Variants in KDM4C observed in about 807,000 individuals in gnomAD.
KDM4C encodes lysine demethylase 4C, also known as lysine-specific demethylase 4C.
Under a neutral mutation model 129.3 loss-of-function variants are expected in KDM4C, and 81 were observed. That is an observed-to-expected ratio of 0.63 (90% CI 0.52 to 0.75). KDM4C has a LOEUF of 0.75. Among genes scored for constraint, KDM4C ranks in the 30% least tolerant of loss-of-function variants. KDM4C has a pLI of 0.00. For synonymous variants in KDM4C, 573 were observed against 456.1 expected (o/e 1.26, Z -3.26); for missense variants, 1,457 against 1,304.0 (o/e 1.12, Z -1.81).
At chr9:6,802,164 C>G (rs1829119315) in intron 2 of KDM4C, among the ~76,000 whole-genome samples, 1 of 151,138 alleles carries the variant, frequency 6.6e-6, no homozygotes, top group Non-Finnish European at 1.5e-5. Context: ...AGGTTTCTTT[C>G]TTCATTTATT....
At chr9:6,968,115 GT>G (rs1311483551) in intron 8 of KDM4C, among the ~76,000 whole-genome samples, 2 of 152,108 alleles carry the variant, frequency 1.3e-5, no homozygotes, top group East Asian at 3.8e-4. Context: ...TATTAATTAT[GT>G]TTTAAAATTT....
At chr9:7,085,724 A>G (rs1029297017) in intron 17 of KDM4C, among the ~76,000 whole-genome samples, 2 of 152,086 alleles carry the variant, frequency 1.3e-5, no homozygotes, top group Admixed American at 6.5e-5. Flanking sequence ...GCGTGGTGGG[A>G]TAATCTGAGC....
At chr9:7,055,220 A>G (rs1830709932) in intron 17 of KDM4C, among the ~76,000 whole-genome samples, 1 of 152,206 alleles carries the variant, frequency 6.6e-6, no homozygotes, top group South Asian at 2.1e-4. Flanking sequence ...TTCATGGGTC[A>G]CAAATGCATC....
At chr9:7,064,053 T>G (rs1832076897) in intron 17 of KDM4C, among the ~76,000 whole-genome samples, 1 of 152,218 alleles carries the variant, frequency 6.6e-6, no homozygotes. Flanking sequence ...AATTTCAAAT[T>G]GTATTTAACT....
intron 17 of KDM4C, among the ~76,000 whole-genome samples, chr9:7,091,636 A>G (rs1394822275): frequency 6.6e-6 from 1 of 152,272 alleles, no homozygotes; most frequent in African/African-American, 2.4e-5. Context: ...GTCCTGGCTG[A>G]AAACCCTGAA....
At chr9:6,930,121 A>G (rs907034630) in intron 8 of KDM4C, among the ~76,000 whole-genome samples, 1 of 152,216 alleles carries the variant, frequency 6.6e-6, no homozygotes, top group African/African-American at 2.4e-5. Flanking sequence ...AAGTGTCTCT[A>G]TCGCCTAAGA....
chr9:6,851,476 A>G (rs1417364444), intron 5 of KDM4C, among the ~76,000 whole-genome samples: 2 of 152,156 alleles, frequency 1.3e-5, no homozygotes, highest in Non-Finnish European at 2.9e-5. Flanking sequence ...TGTTATCTTG[A>G]TGCTCTTTCT....
chr9:7,056,774 C>G (rs538707435), intron 17 of KDM4C, among the ~76,000 whole-genome samples: 2 of 152,318 alleles, frequency 1.3e-5, no homozygotes, highest in East Asian at 1.9e-4. Context: ...TATTTTCTAG[C>G]TTGCATTGAC....
At chr9:6,899,766 G>A (rs1817085823) in intron 8 of KDM4C, among the ~76,000 whole-genome samples, 2 of 152,116 alleles carry the variant, frequency 1.3e-5, no homozygotes, top group South Asian at 4.1e-4. Flanking sequence ...CAAACCAGTT[G>A]GTTAGTATAT....
At chr9:7,062,770 T>G (rs1481088126) in intron 17 of KDM4C, among the ~76,000 whole-genome samples, 1 of 152,164 alleles carries the variant, frequency 6.6e-6, no homozygotes, top group Non-Finnish European at 1.5e-5. Flanking sequence ...GAAATTAGAT[T>G]TGTGTGTTTA....
At chr9:6,924,690 C>T (rs932768579) in intron 8 of KDM4C, 11 of 826,056 alleles carry the variant, frequency 1.3e-5, no homozygotes, top group African/African-American at 1.1e-4. Context: ...GCTGGGGTAC[C>T]GATGCATAAT....
chr9:6,863,793 C>T (rs1410809525), intron 5 of KDM4C, among the ~76,000 whole-genome samples: 1 of 70,300 alleles, frequency 1.4e-5, no homozygotes, highest in Non-Finnish European at 2.8e-5. Flanking sequence ...GACTCCATCT[C>T]AAAAAAAAAA....
At chr9:6,908,664 G>C (rs552958876) in intron 8 of KDM4C, among the ~76,000 whole-genome samples, 2 of 151,756 alleles carry the variant, frequency 1.3e-5, no homozygotes, top group East Asian at 3.9e-4. Flanking sequence ...GCCTCTTTTT[G>C]CTAAGTTTCT....
At chr9:6,766,768 ATT>A (rs202219046) in intron 1 of KDM4C, among the ~76,000 whole-genome samples, 3 of 144,470 alleles carry the variant, frequency 2.1e-5, no homozygotes, top group African/African-American at 2.5e-5. Context: ...GCTGAACAGG[ATT>A]TTTTTTTTTT....
intron 8 of KDM4C, chr9:6,925,313 G>C: frequency 1.0e-6 from 1 of 985,338 alleles, no homozygotes; most frequent in Non-Finnish European, 1.2e-6. Flanking sequence ...AAATAAAGGA[G>C]ACACAAGCTT....
Position 7,106,177 on chromosome 9 carries a change from T to C in KDM4C, c.2610+2307T>C, listed in dbSNP as rs1242789564. 2.6e-5 allele frequency among the ~76,000 whole-genome samples: 4 copies of C among 152,350 alleles called. No individual in the cohort carries two copies. The East Asian group carries it at 7.7e-4, about 29-fold the overall frequency. ...GTTTGGGAACTAACCAGTAGGAATT[T>C]ATAGAATCTGGCAACTTTGGTTAAG... On this transcript the variant is annotated intron_variant, in intron 18 of 21. Transcript: ENST00000381309.
At chr9:6,835,200 C>T (rs942972389) in intron 4 of KDM4C, 30 of 917,696 alleles carry the variant, frequency 3.3e-5, no homozygotes, top group African/African-American at 4.9e-5. Context: ...TCATCACCAT[C>T]GGCAACGAGC....
chr9:7,076,568 A>C, intron 17 of KDM4C: 1 of 1,516,018 alleles, frequency 6.6e-7, no homozygotes, highest in Admixed American at 2.0e-5. Context: ...CTCATTCTCC[A>C]TGGGAGCAGC....
rs755502911 is a variant in KDM4C, at chr9:7,013,976, A to G, written c.2157A>G (p.Ala719=). 1.6e-5 allele frequency: 26 copies of G among 1,613,724 alleles called. No individual in the cohort carries two copies. The highest frequency in any genetic ancestry group is 2.1e-5 in the Non-Finnish European group (25 of 1,179,816). The part of the protein sequence containing the change: ...EDGTSLLISC[A]KCCVRVHASC... ...GAACAAGTCTCCTTATTTCCTGTGC[A>G]AAGTGCTGCGTACGGGTTCATGCAA... Residue 719 remains alanine (A), a synonymous_variant, in exon 14 of 22, where the codon GCA becomes GCG. Transcript: ENST00000381309.
Sources: allele counts gnomAD v4.1 joint callset (sites outside exome capture counted in the v4.1 genomes callset), GRCh38; gene constraint gnomAD v4.1.1; transcripts MANE v1.5; gene names NCBI Gene and HGNC (gene_info 2026-07-23, HGNC 2026-07-21).